Variants in SYN3 observed in about 807,000 individuals in gnomAD.
SYN3 encodes synapsin III, also known as synapsin-3.
SYN3 carries 35 observed loss-of-function variants against 65.8 expected under a neutral mutation model. That is an observed-to-expected ratio of 0.53 (90% CI 0.41 to 0.70). The LOEUF is 0.70. SYN3 is among the 30% of genes least tolerant of loss of function. SYN3 has a pLI of 0.00. For synonymous variants in SYN3, 270 were observed against 292.9 expected, an observed-to-expected ratio of 0.92 and a Z score of 0.80; for missense variants, 680 against 749.0, an observed-to-expected ratio of 0.91 and a Z score of 1.08.
intron 6 of SYN3, among the ~76,000 whole-genome samples, chr22:32,613,075 G>A (rs1348959112): frequency 6.6e-6 from 1 of 151,964 alleles, no homozygotes; most frequent in Non-Finnish European, 1.5e-5. Context: ...ATGTGCAAAT[G>A]TGCCTGCTTC....
At chr22:32,664,397 TCGG>T (rs1298477702) in intron 6 of SYN3, among the ~76,000 whole-genome samples, 2 of 152,106 alleles carry the variant, frequency 1.3e-5, no homozygotes, top group Non-Finnish European at 2.9e-5. Flanking sequence ...AATCTAGTGG[TCGG>T]TGTTTTAGTC....
At chr22:32,760,485 A>G (rs951006682) in intron 6 of SYN3, among the ~76,000 whole-genome samples, 1 of 152,084 alleles carries the variant, frequency 6.6e-6, no homozygotes, top group African/African-American at 2.4e-5. Context: ...TCATGTGCCC[A>G]GGGTCTCAGA....
chr22:32,533,629 G>A (rs2058113652), intron 10 of SYN3, among the ~76,000 whole-genome samples, 164 bp downstream of exon 10: 1 of 152,170 alleles, frequency 6.6e-6, no homozygotes, highest in Admixed American at 6.5e-5. Context: ...CGATGCCTCT[G>A]AGGGTGGGAA....
At chr22:33,049,661 C>A (rs2054127266) in intron 1 of SYN3, among the ~76,000 whole-genome samples, 1 of 152,208 alleles carries the variant, frequency 6.6e-6, no homozygotes, top group Admixed American at 6.5e-5. Flanking sequence ...TGGAAGCATG[C>A]CTCTTAGTCG....
Position 32,869,367 on chromosome 22 carries a change from T to A in SYN3, c.462-242A>T, listed in dbSNP as rs137491. Among the ~76,000 whole-genome samples, 306 of 142,350 alleles carry A rather than the reference T, an allele frequency of 2.1e-3. 1 individual carries two copies. The highest frequency in any genetic ancestry group is 7.3e-3 in the Middle Eastern group (2 of 274). The allele number at this position is 142,350 out of a possible 152,430, so 93.4% of individuals were successfully genotyped here. A position where few individuals can be genotyped will look rare whatever the true frequency, so the allele number is the denominator to read the frequency against. The stretch of plus-strand genomic sequence containing the variant: ...CTCTCTCTCTCTCTCTCTCTCTCTC[T>A]CACAGGCTCTTTCCTAAATTCCCTG... On this transcript the variant is annotated intron_variant, in intron 4 of 13. Coordinates refer to ENST00000358763, the MANE Select transcript of SYN3 (RefSeq NM_003490.4).
At position 32,801,056 on chromosome 22, in the gene SYN3, T is replaced by C. The variant is rs1328341441; in HGVS notation, c.711+63859A>G. ...AACCCAGCATCCTGAACCGTGTTTG[T>C]TGAATGAATACAGAACCCCGTTTGC... On this transcript the variant is annotated intron_variant, in intron 6 of 13. Coordinates refer to ENST00000358763, the MANE Select transcript of SYN3 (RefSeq NM_003490.4). This position sits in a 1 kb window ranked among gnomAD's most constrained non-coding sequence, Gnocchi z 4.7. Among the ~76,000 whole-genome samples the C allele has an allele frequency of 3.9e-5, 6 of 152,200 alleles. No individual in the cohort carries two copies. The highest frequency in any genetic ancestry group is 1.9e-4 in the East Asian group (1 of 5,202).
Position 32,569,561 on chromosome 22 carries a change from C to CTATA in SYN3, c.774+27112_774+27113insTATA, listed in dbSNP as rs1458371419. ...AATCTCTCTCTCTCTCTCTCTCTCT[C>CTATA]TCTCTCTCTCTATATATATATATAT... is the stretch of plus-strand genomic sequence containing the variant. On this transcript the variant is annotated intron_variant, in intron 7 of 13. Coordinates refer to ENST00000358763, the MANE Select transcript of SYN3 (RefSeq NM_003490.4). Among the ~76,000 whole-genome samples, 274 of 51,712 alleles carry CTATA rather than the reference C, an allele frequency of 5.3e-3. 3 individuals are homozygous for CTATA. The highest frequency in any genetic ancestry group is 0.013 in the African/African-American group (229 of 17,148). The allele number at this position is 51,712 out of a possible 152,430, so 33.9% of individuals were successfully genotyped here. A position where few individuals can be genotyped will look rare whatever the true frequency, so the allele number is the denominator to read the frequency against.
chr22:32,869,175 C>G lies in SYN3; in HGVS notation c.462-50G>C, dbSNP rs759630190. 6.3e-6 allele frequency: 10 copies of G among 1,583,822 alleles called. No individual in the cohort carries two copies. In the South Asian group the frequency reaches 1.1e-4, roughly 18 times the overall value. ...CCACACTGGGACATTGATGAAACAC[C>G]AGGGCATCCGGCCACAGCTTGCTGG... is the stretch of plus-strand genomic sequence containing the variant. On this transcript the variant is annotated intron_variant, in intron 4 of 13. Transcript: ENST00000358763.
chr22:32,513,734 G>A lies in SYN3; in HGVS notation c.1701C>T (p.Ile567=). The A allele has an allele frequency of 6.2e-7, 1 of 1,614,222 alleles. No homozygotes were observed. The highest frequency in any genetic ancestry group is 1.3e-5 in the African/African-American group (1 of 75,060). Residue 567 remains isoleucine, a synonymous_variant, in exon 14 of 14, where the codon ATC becomes ATT. Coordinates refer to ENST00000358763, the MANE Select transcript of SYN3 (RefSeq NM_003490.4). The part of the protein sequence containing the change: ...PSEDEAKAET[I]RNLRKSFASL... ...TGGCAAAAGACTTCCTCAGGTTGCG[G>A]ATGGTTTCAGCCTTGGCCTCGTCTT...
At chr22:32,866,088 C>G (rs1012678729) in intron 5 of SYN3, among the ~76,000 whole-genome samples, 3 of 152,110 alleles carry the variant, frequency 2.0e-5, no homozygotes, top group African/African-American at 4.8e-5. Flanking sequence ...TTAGAATTCA[C>G]CCAGAAGGTG....
chr22:32,830,381 G>T (rs919621476), intron 6 of SYN3, among the ~76,000 whole-genome samples: 1 of 152,128 alleles, frequency 6.6e-6, no homozygotes, highest in African/African-American at 2.4e-5. Context: ...AAGCTGAAAA[G>T]AAGTTACATG....
intron 7 of SYN3, among the ~76,000 whole-genome samples, chr22:32,566,148 ATT>A (rs1397636564): frequency 6.6e-6 from 1 of 152,036 alleles, no homozygotes; most frequent in Non-Finnish European, 1.5e-5. Flanking sequence ...TGGCCAGGGT[ATT>A]TTGTTTAACC....
At chr22:32,987,159 G>A (rs911432173) in intron 2 of SYN3, among the ~76,000 whole-genome samples, 79 of 152,246 alleles carry the variant, frequency 5.2e-4, no homozygotes, top group Admixed American at 2.4e-3. Flanking sequence ...TCCTGTCCCA[G>A]GGACAGCTGT....
At chr22:32,944,126 C>T (rs191981199) in intron 3 of SYN3, among the ~76,000 whole-genome samples, 2 of 152,322 alleles carry the variant, frequency 1.3e-5, no homozygotes, top group East Asian at 3.9e-4. Flanking sequence ...CACTCCACCC[C>T]AAATCAACAG....
chr22:32,792,180 C>T (rs1166501320), intron 6 of SYN3, among the ~76,000 whole-genome samples: 1 of 152,200 alleles, frequency 6.6e-6, no homozygotes, highest in Non-Finnish European at 1.5e-5. Flanking sequence ...TAGCACGAGA[C>T]AGCTGAGGCT....
chr22:33,005,839 G>A (rs1205202508), intron 2 of SYN3, among the ~76,000 whole-genome samples: 1 of 152,160 alleles, frequency 6.6e-6, no homozygotes, highest in Non-Finnish European at 1.5e-5. Flanking sequence ...AGGCTGACAG[G>A]TTAATCTGCC....
At chr22:32,807,305 T>TAA (rs2046767677) in intron 6 of SYN3, among the ~76,000 whole-genome samples, 2 of 127,566 alleles carry the variant, frequency 1.6e-5, no homozygotes, top group African/African-American at 3.0e-5. Context: ...TATATATATA[T>TAA]AAATATATAA....
chr22:33,000,813 G>A (rs1365026948), intron 2 of SYN3, among the ~76,000 whole-genome samples: 1 of 152,190 alleles, frequency 6.6e-6, no homozygotes, highest in Non-Finnish European at 1.5e-5. Context: ...AGGGGCTGGG[G>A]AGGGGGCTGG....
chr22:32,816,594 T>C (rs1458818138), intron 6 of SYN3, among the ~76,000 whole-genome samples: 2 of 152,152 alleles, frequency 1.3e-5, no homozygotes, highest in Admixed American at 6.5e-5. Flanking sequence ...TTTTTCCTTA[T>C]TTCTGTCTTG....
Sources: allele counts gnomAD v4.1 joint callset (sites outside exome capture counted in the v4.1 genomes callset), GRCh38; gene constraint gnomAD v4.1.1; non-coding constraint Gnocchi (gnomAD v3.1); transcripts MANE v1.5; gene names NCBI Gene and HGNC (gene_info 2026-07-23, HGNC 2026-07-21).